Variants in CNTNAP4 observed in about 807,000 individuals in gnomAD.
CNTNAP4 encodes contactin associated protein family member 4.
A neutral mutation model predicts 148.4 loss-of-function variants in CNTNAP4; 98 were observed. That is an observed-to-expected ratio of 0.66 (90% CI 0.56 to 0.78). The LOEUF (loss-of-function observed/expected upper bound fraction) is 0.78. CNTNAP4 is among the 30% of genes least tolerant of loss of function. The pLI, the probability that CNTNAP4 is intolerant of heterozygous loss-of-function variation, is 0.00. For synonymous variants in CNTNAP4, 730 were observed against 565.1 expected (o/e 1.29, Z -4.14); for missense variants, 1,935 against 1,565.6 (o/e 1.24, Z -3.98).
intron 4 of CNTNAP4, among the ~76,000 whole-genome samples, chr16:76,444,503 A>G (rs1439644582): frequency 1.3e-5 from 2 of 152,052 alleles, no homozygotes; most frequent in Non-Finnish European, 2.9e-5. Flanking sequence ...CTCTGTCACC[A>G]GCATTTTTGG....
At position 76,521,219 on chromosome 16, in the gene CNTNAP4, G is replaced by T; in HGVS notation, c.2445G>T (p.Ala815=). 6.2e-7 allele frequency: 1 copy of T among 1,611,732 alleles called. No individual in the cohort carries two copies. The highest frequency in any genetic ancestry group is 1.3e-5 in the African/African-American group (1 of 74,664). ...CTACCTTCCACGGAGAACTTAGCGC[G>T]GATGTATCTTTCTTTTTTAAGACAA... ...HFPTFHGELS[A]DVSFFFKTTA... The change falls in exon 16 of 24, where the codon GCG becomes GCT. Residue 815 remains alanine (A), a synonymous_variant. Transcript: ENST00000611870.
intron 7 of CNTNAP4, among the ~76,000 whole-genome samples, chr16:76,452,215 C>G (rs888242401): frequency 2.9e-4 from 44 of 152,022 alleles, no homozygotes; most frequent in African/African-American, 9.7e-4. Context: ...CATAATAGAG[C>G]CAAATGTTTT....
At chr16:76,406,534 A>G (rs1238371100) in intron 3 of CNTNAP4, among the ~76,000 whole-genome samples, 1 of 152,206 alleles carries the variant, frequency 6.6e-6, no homozygotes, top group Non-Finnish European at 1.5e-5. Context: ...AGATAAGCAG[A>G]AAGCTAGGCT....
chr16:76,399,317 T>G (rs2078321998), intron 3 of CNTNAP4, among the ~76,000 whole-genome samples: 1 of 152,192 alleles, frequency 6.6e-6, no homozygotes, highest in Non-Finnish European at 1.5e-5. Flanking sequence ...GTACCTCTGA[T>G]AGAAAAGCCA....
chr16:76,512,483 A>G (rs978859396), intron 15 of CNTNAP4, among the ~76,000 whole-genome samples: 2 of 152,146 alleles, frequency 1.3e-5, no homozygotes, highest in Admixed American at 6.5e-5. Context: ...GTCAAAAATA[A>G]CACCAAGGTG....
chr16:76,490,768 G>C (rs1214908536), intron 13 of CNTNAP4, among the ~76,000 whole-genome samples: 1 of 152,040 alleles, frequency 6.6e-6, no homozygotes, highest in East Asian at 1.9e-4. Context: ...TGCGTATTCT[G>C]TGTCCACCCT....
intron 13 of CNTNAP4, 125 bp from the exon 14 acceptor site, chr16:76,494,780 TAAATC>T: frequency 9.7e-7 from 1 of 1,030,606 alleles, no homozygotes; most frequent in Non-Finnish European, 1.4e-6. Context: ...TGCATATCCT[TAAATC>T]CAATCAATCT....
At chr16:76,346,432 T>TTAAA (rs763025856) in intron 2 of CNTNAP4, among the ~76,000 whole-genome samples, 10 of 123,750 alleles carry the variant, frequency 8.1e-5, no homozygotes, top group Admixed American at 6.7e-4. Context: ...CTAGGGAAGA[T>TTAAA]AAAAAAAAAA....
At chr16:76,443,719 A>C (rs1441270258) in intron 4 of CNTNAP4, among the ~76,000 whole-genome samples, 11 of 152,188 alleles carry the variant, frequency 7.2e-5, no homozygotes, top group Admixed American at 7.2e-4. Flanking sequence ...ATTTGTACTA[A>C]TTTTAGCAAT....
At chr16:76,427,669 C>T in intron 4 of CNTNAP4, 70 bp downstream of exon 4, 2 of 1,392,432 alleles carry the variant, frequency 1.4e-6, no homozygotes, top group Non-Finnish European at 1.9e-6. Context: ...AAACTACAAA[C>T]TGAAATGGAC....
chr16:76,420,911 A>T, intron 3 of CNTNAP4, among the ~76,000 whole-genome samples: 1 of 151,954 alleles, frequency 6.6e-6, no homozygotes, highest in East Asian at 1.9e-4. Flanking sequence ...GTGAATTTTT[A>T]TAGTTATTGT....
At chr16:76,283,044 C>G (rs1003200711) in intron 1 of CNTNAP4, among the ~76,000 whole-genome samples, 4 of 151,736 alleles carry the variant, frequency 2.6e-5, no homozygotes, top group African/African-American at 9.7e-5. Context: ...AAGAGCTTAA[C>G]TGAAATATGA....
intron 14 of CNTNAP4, among the ~76,000 whole-genome samples, chr16:76,495,982 A>G (rs961989551): frequency 4.6e-5 from 7 of 152,052 alleles, no homozygotes; most frequent in Admixed American, 2.6e-4. Flanking sequence ...TAGTTGGGAA[A>G]CTAATATTTC....
At chr16:76,477,499 G>A (rs1457421895) in intron 11 of CNTNAP4, among the ~76,000 whole-genome samples, 1 of 152,144 alleles carries the variant, frequency 6.6e-6, no homozygotes, top group Admixed American at 6.5e-5. Context: ...TGGGCTCCCA[G>A]CTCTGGGGGC....
At chr16:76,290,739 C>A (rs1244554747) in intron 1 of CNTNAP4, among the ~76,000 whole-genome samples, 3 of 152,206 alleles carry the variant, frequency 2.0e-5, no homozygotes, top group Non-Finnish European at 4.4e-5. Context: ...TCCCGATGTT[C>A]AGAGACATAT....
chr16:76,323,163 A>G (rs1962608577), intron 2 of CNTNAP4, among the ~76,000 whole-genome samples: 1 of 152,214 alleles, frequency 6.6e-6, no homozygotes, highest in Admixed American at 6.5e-5. Flanking sequence ...CTGATTAATT[A>G]CAAAGCAAAA....
intron 14 of CNTNAP4, 194 bp downstream of exon 14, chr16:76,495,260 G>C: frequency 2.2e-6 from 1 of 454,498 alleles, no homozygotes; most frequent in East Asian, 3.8e-5. Context: ...GTTATTTTCT[G>C]TAATGGACCA....
At chr16:76,483,116 CTA>C (rs1489666146) in intron 12 of CNTNAP4, among the ~76,000 whole-genome samples, 1 of 151,964 alleles carries the variant, frequency 6.6e-6, no homozygotes, top group Non-Finnish European at 1.5e-5. Context: ...CCTGTAAATT[CTA>C]TGTTCCCATA....
At chr16:76,460,799 G>C (rs2080931032) in intron 8 of CNTNAP4, among the ~76,000 whole-genome samples, 2 of 101,284 alleles carry the variant, frequency 2.0e-5, no homozygotes, top group South Asian at 7.1e-4. Context: ...TATATATTTA[G>C]AATTGTATAT....
Sources: allele counts gnomAD v4.1 joint callset (sites outside exome capture counted in the v4.1 genomes callset), GRCh38; gene constraint gnomAD v4.1.1; transcripts MANE v1.5; gene names NCBI Gene and HGNC (gene_info 2026-07-23, HGNC 2026-07-21).